The following C5orf58 variants were observed in gnomAD, a reference collection of about 807,000 sequenced individuals.
C5orf58 encodes the protein putative uncharacterized protein C5orf58.
A neutral mutation model predicts 2.9 loss-of-function variants in C5orf58; 2 were observed. The ratio of observed to expected loss-of-function variants is 0.69; its 90% CI spans 0.28 to 2.18. The LOEUF is 2.18. Among genes scored for constraint, C5orf58 ranks in the 30% most tolerant of loss-of-function variants. The probability of loss-of-function intolerance (pLI) is 0.13; values close to 1 mark genes in which losing one functional copy is unlikely to be tolerated. For missense variants in C5orf58, 96 were observed against 91.7 expected (o/e 1.05, Z -0.19); for synonymous variants, 37 against 33.4 (o/e 1.11, Z -0.37).
intron 3 of C5orf58, among the ~76,000 whole-genome samples, chr5:170,241,260 C>T (rs1760993709): frequency 6.6e-6 from 1 of 152,032 alleles, no homozygotes; most frequent in Admixed American, 6.5e-5. Context: ...GTGATGCGGG[C>T]TCTTTTTTTG....
At chr5:170,245,224 T>C (rs1010716076) in intron 3 of C5orf58, among the ~76,000 whole-genome samples, 15 of 152,202 alleles carry the variant, frequency 9.9e-5, no homozygotes, top group Non-Finnish European at 2.1e-4. Flanking sequence ...TGCTGTCTTT[T>C]TGTTTGTCTG....
At chr5:170,244,890 T>G (rs998008367) in intron 3 of C5orf58, among the ~76,000 whole-genome samples, 4 of 151,928 alleles carry the variant, frequency 2.6e-5, no homozygotes, top group Non-Finnish European at 4.4e-5. Context: ...TCTGTTCTGT[T>G]TTTTCCCCAT....
rs1761137571 is a variant in C5orf58 at position 170,243,956 on chromosome 5, T to G, written c.95-2006T>G. On this transcript the variant is annotated intron_variant, in intron 3 of 3. Transcript: ENST00000593851. ...CATGTTTAGCACTTCCTTCAGGAGC[T>G]CTTTTAGGGCAGGCCTGGTGGTGAC... 2.1e-5 allele frequency among the ~76,000 whole-genome samples: 3 copies of G among 144,582 alleles called. 1 individual carries two copies. In the South Asian group the frequency reaches 6.9e-4, roughly 33 times the overall value. The allele number at this position is 144,582 out of a possible 152,430, so 94.9% of individuals were successfully genotyped here. A position where few individuals can be genotyped will look rare whatever the true frequency, so the allele number is the denominator to read the frequency against.
chr5:170,250,861 T>G, downstream of C5orf58: 1 of 1,613,656 alleles, frequency 6.2e-7, no homozygotes, highest in East Asian at 2.2e-5. Flanking sequence ...TTTTTAGAGC[T>G]GTCTCTGACC....
downstream of C5orf58, chr5:170,246,320 T>C (rs891309620): frequency 4.7e-6 from 2 of 424,450 alleles, no homozygotes; most frequent in Non-Finnish European, 4.2e-6. Flanking sequence ...AAATTGGCCA[T>C]GGGTCACTGC....
At chr5:170,233,218 G>A (rs922000218) in intron 1 of C5orf58, 3 of 152,902 alleles carry the variant, frequency 2.0e-5, no homozygotes, top group African/African-American at 4.8e-5. Flanking sequence ...GTGGCTGTCC[G>A]TAGGCCGGGG....
Position 170,235,011 on chromosome 5 carries a change from A to T in C5orf58, c.35A>T (p.Asn12Ile). The T allele has an allele frequency of 1.3e-6, 2 of 1,552,886 alleles. No individual in the cohort carries two copies. The highest frequency in any genetic ancestry group is 1.8e-6 in the Non-Finnish European group (2 of 1,133,544). Residue 12 changes from asparagine (N) to isoleucine (I), a missense_variant, in exon 3 of 4, where the codon AAT (asparagine) becomes ATT (isoleucine). By Grantham distance (149) the Asn-to-Ile change is moderately radical (BLOSUM62 -3). Coordinates refer to ENST00000593851, the MANE Select transcript of C5orf58 (RefSeq NM_001102609.3). Reference protein sequence around the residue: ...GKKRVTDHKLNVDKVIKNINT... With the variant: ...GKKRVTDHKLIVDKVIKNINT... ...AAGCGTGTTACTGATCATAAGCTAA[A>T]TGTGGACAAAGTAATTAAAAATATT...
At chr5:170,250,720 A>T (rs1437879354), downstream of C5orf58, 2 of 1,610,968 alleles carry the variant, frequency 1.2e-6, no homozygotes, top group Admixed American at 1.7e-5. Context: ...TCGAAATTTG[A>T]AATCCTTACC....
downstream of C5orf58, chr5:170,248,805 C>T (rs756659936): frequency 1.2e-6 from 2 of 1,612,338 alleles, no homozygotes; most frequent in Admixed American, 1.7e-5. Flanking sequence ...TAATATCTGA[C>T]ACAGACAGAA....
At chr5:170,249,378 A>ATATATATATC (rs143444609), downstream of C5orf58, among the ~76,000 whole-genome samples, 2 of 128,096 alleles carry the variant, frequency 1.6e-5, no homozygotes, top group African/African-American at 5.3e-5. Context: ...ATATATATAT[A>ATATATATATC]TATCTACATA....
At chr5:170,251,617 A>T in intron 2 of C5orf58, 1 of 456,138 alleles carries the variant, frequency 2.2e-6, no homozygotes. Flanking sequence ...AGTTGGCAAT[A>T]ATGACTTTCC....
At chr5:170,235,827 A>C (rs1357965466) in intron 3 of C5orf58, among the ~76,000 whole-genome samples, 1 of 152,228 alleles carries the variant, frequency 6.6e-6, no homozygotes, top group Non-Finnish European at 1.5e-5. Context: ...TACATCTATA[A>C]GTAACAAAAA....
At position 170,239,909 on chromosome 5, in the gene C5orf58, A is replaced by G. The variant is rs529389199; in HGVS notation, c.94+4839A>G. 3.0e-4 allele frequency among the ~76,000 whole-genome samples: 46 copies of G among 152,076 alleles called. No homozygotes were observed. The South Asian group carries it at 7.0e-3, about 23-fold the overall frequency. ...CATCTAGCATTATGTGTATCTCCCA[A>G]TGCTATCCCTCCCCCGTCCCCCCAC... On this transcript the variant is annotated intron_variant, in intron 3 of 3. Coordinates refer to ENST00000593851, the MANE Select transcript of C5orf58 (RefSeq NM_001102609.3).
chr5:170,235,039 C>A lies in C5orf58; in HGVS notation c.63C>A (p.Asn21Lys). 6.5e-7 allele frequency: 1 copy of A among 1,530,216 alleles called. No homozygotes were observed. Among genetic ancestry groups the A allele is most frequent in the Non-Finnish European group, 9.0e-7 (1 of 1,115,160 alleles). 94.8% of individuals were successfully genotyped at this position (1,530,216 alleles called of 1,614,324 possible). A position where few individuals can be genotyped will look rare whatever the true frequency, so the allele number is the denominator to read the frequency against. Residue 21 changes from asparagine (N) to lysine (K), a missense_variant, in exon 3 of 4, where the codon AAC (asparagine) becomes AAA (lysine). Transcript: ENST00000593851. ...TGGACAAAGTAATTAAAAATATTAA[C>A]ACAATTTCTTCGGAGTTGAAGAAGA... ...LNVDKVIKNINTISSELKKIK... is the reference protein window; with the variant it reads ...LNVDKVIKNIKTISSELKKIK...
chr5:170,252,118 TTGAA>T, exon 3 of C5orf58: 1 of 214,560 alleles, frequency 4.7e-6, no homozygotes, highest in South Asian at 9.3e-5. Flanking sequence ...TGTTGGAACT[TTGAA>T]AGAGAGTCTC....
At chr5:170,252,276 G>A, downstream of C5orf58, 1 of 457,456 alleles carries the variant, frequency 2.2e-6, no homozygotes, top group Middle Eastern at 3.1e-4. Context: ...TATGGGTGCT[G>A]GTAGTTGTGA....
intron 3 of C5orf58, among the ~76,000 whole-genome samples, chr5:170,244,829 G>C (rs1454588901): frequency 6.6e-6 from 1 of 152,212 alleles, no homozygotes; most frequent in Non-Finnish European, 1.5e-5. Flanking sequence ...GTGAGGAACT[G>C]TGTTCCTTTG....
chr5:170,250,660 C>T, downstream of C5orf58: 10 of 1,200,742 alleles, frequency 8.3e-6, no homozygotes, highest in Admixed American at 1.7e-5. Flanking sequence ...TCTCAAAGAT[C>T]GCTCCATGAA....
At chr5:170,237,039 A>T (rs955467362) in intron 3 of C5orf58, among the ~76,000 whole-genome samples, 5 of 152,206 alleles carry the variant, frequency 3.3e-5, no homozygotes, top group African/African-American at 1.2e-4. Context: ...ACAGTTAAGA[A>T]GCTTTAGATT....
Sources: allele counts gnomAD v4.1 joint callset (sites outside exome capture counted in the v4.1 genomes callset), GRCh38; gene constraint gnomAD v4.1.1; transcripts MANE v1.5; gene names NCBI Gene and HGNC (gene_info 2026-07-23, HGNC 2026-07-21).